The following SGSM1 variants were observed in gnomAD, a reference collection of about 807,000 sequenced individuals.
SGSM1 encodes small G protein signaling modulator 1, also known as RUN and TBC1 domain containing 2.
SGSM1 carries 73 observed loss-of-function variants against 133.8 expected under a neutral mutation model. The observed-to-expected ratio is 0.55, with a 90% CI of 0.45 to 0.66. The LOEUF (loss-of-function observed/expected upper bound fraction) is 0.66. Among genes scored for constraint, SGSM1 ranks in the 30% least tolerant of loss-of-function variants. The pLI is 0.00. For synonymous variants in SGSM1, 563 were observed against 573.0 expected, an observed-to-expected ratio of 0.98 and a Z score of 0.25; for missense variants, 1,213 against 1,448.1, an observed-to-expected ratio of 0.84 and a Z score of 2.64.
At position 24,876,632 on chromosome 22, in the gene SGSM1, C is replaced by T; in HGVS notation, c.1347C>T (p.Pro449=). The T allele has an allele frequency of 6.2e-7, 1 of 1,614,000 alleles. No individual in the cohort carries two copies. The highest frequency in any genetic ancestry group is 8.5e-7 in the Non-Finnish European group (1 of 1,179,896). Residue 449 remains proline (P), a synonymous_variant, in exon 13 of 25, where the codon CCC becomes CCT. Coordinates refer to ENST00000400358, the MANE Select transcript of SGSM1 (RefSeq NM_001098497.3). ...SVSNLPSLWQ[P]SPRKSSCSSC... ...GCAACCTCCCATCCCTGTGGCAGCC[C>T]AGTCCCCGGAAGTCCTCCTGTTCAT...
chr22:24,866,262 A>G (rs1436845799), intron 9 of SGSM1, among the ~76,000 whole-genome samples: 2 of 152,188 alleles, frequency 1.3e-5, no homozygotes, highest in Non-Finnish European at 2.9e-5. Context: ...ACTTGATTCT[A>G]TTTAATTCTC....
At chr22:24,867,016 G>T in intron 9 of SGSM1, 77 bp from the exon 10 acceptor site, 1 of 1,407,554 alleles carries the variant, frequency 7.1e-7, no homozygotes. Flanking sequence ...CCTGGTTGTG[G>T]TCTGCTGGCC....
At chr22:24,859,952 T>A in intron 9 of SGSM1, 112 bp downstream of exon 9, 1 of 1,448,712 alleles carries the variant, frequency 6.9e-7, no homozygotes, top group South Asian at 1.3e-5. Context: ...TTCTGCCCCC[T>A]CCTCTGCCTG....
Position 24,847,795 on chromosome 22 carries a change from G to A in SGSM1, c.301G>A (p.Ala101Thr), listed in dbSNP as rs538422718. 158 of 1,613,462 alleles carry A rather than the reference G, an allele frequency of 9.8e-5. 1 individual carries two copies. The East Asian group carries it at 2.2e-3, about 22-fold the overall frequency. ...AGACCTGGAGCAGCTGATCGAGAGC[G>A]CGTGAGTGCAAAGCATGGGGCACAG... ...VQDLEQLIESARNQIQGLQEN... is the reference protein window; with the variant it reads ...VQDLEQLIESTRNQIQGLQEN... The change falls in exon 4 of 25, where the codon GCG becomes ACG. Residue 101 changes from alanine to threonine, a missense_variant and splice_region_variant. Transcript: ENST00000400358.
rs1388657722 is a variant in SGSM1, at chr22:24,806,277, GCCA to G, written c.-46_-44del. On this transcript the variant is annotated 5_prime_UTR_variant, in exon 1 of 25. Coordinates refer to ENST00000400358, the MANE Select transcript of SGSM1 (RefSeq NM_001098497.3). ...CGCCGCGGCCGGAGGAGCTACCGCC[GCCA>G]CCGCCGCCACCGCCTCCTGGGACTC... The G allele has an allele frequency of 7.1e-7, 1 of 1,403,342 alleles. No homozygotes were observed. Among genetic ancestry groups the G allele is most frequent in the Non-Finnish European group, 9.2e-7 (1 of 1,083,760 alleles). 86.9% of individuals were successfully genotyped at this position (1,403,342 alleles called of 1,614,324 possible). A position where few individuals can be genotyped will look rare whatever the true frequency, so the allele number is the denominator to read the frequency against.
intron 2 of SGSM1, among the ~76,000 whole-genome samples, chr22:24,809,458 T>C (rs1927606819): frequency 6.6e-6 from 1 of 152,218 alleles, no homozygotes; most frequent in Non-Finnish European, 1.5e-5. Context: ...TCGACATCTC[T>C]AGATAGGCTG....
At chr22:24,921,096 C>T (rs921115881) in intron 24 of SGSM1, among the ~76,000 whole-genome samples, 3 of 151,950 alleles carry the variant, frequency 2.0e-5, no homozygotes, top group African/African-American at 7.3e-5. Context: ...TATTGTCTTT[C>T]ATATAATCTT....
At chr22:24,905,326 A>C in intron 21 of SGSM1, 139 bp downstream of exon 21, 1 of 807,740 alleles carries the variant, frequency 1.2e-6, no homozygotes, top group South Asian at 1.5e-5. Context: ...GAACACATCA[A>C]GATCCTAGTG....
intron 2 of SGSM1, among the ~76,000 whole-genome samples, chr22:24,823,501 T>C (rs1167106499): frequency 1.3e-5 from 2 of 151,994 alleles, no homozygotes; most frequent in African/African-American, 4.8e-5. Context: ...CTCAGGAGGC[T>C]GAGGCAGGAG....
Position 24,867,144 on chromosome 22 carries a change from G to A in SGSM1, c.978G>A (p.Leu326=). 6.2e-7 allele frequency: 1 copy of A among 1,613,782 alleles called. No individual in the cohort carries two copies. Among genetic ancestry groups the A allele is most frequent in the Non-Finnish European group, 8.5e-7 (1 of 1,179,860 alleles). Residue 326 remains leucine, a synonymous_variant, in exon 10 of 25, where the codon CTG becomes CTA. Coordinates refer to ENST00000400358, the MANE Select transcript of SGSM1 (RefSeq NM_001098497.3). ...MTIRLEEIVY[L]HCHQQVDSGG... is the part of the protein sequence containing the mutation. The stretch of plus-strand genomic sequence containing the variant: ...TCCGCTTGGAGGAGATTGTCTACCT[G>A]CACTGCCACCAGCAAGGTAGGGACT...
chr22:24,829,484 C>G (rs994150055), intron 2 of SGSM1, among the ~76,000 whole-genome samples: 1 of 152,114 alleles, frequency 6.6e-6, no homozygotes, highest in African/African-American at 2.4e-5. Context: ...CATGAGTTTA[C>G]CTATATAAGA....
At chr22:24,854,748 C>T (rs376981449) in intron 5 of SGSM1, among the ~76,000 whole-genome samples, 3 of 152,144 alleles carry the variant, frequency 2.0e-5, no homozygotes, top group South Asian at 4.1e-4. Flanking sequence ...CCCAGGAGTT[C>T]GAGGTTACAG....
At chr22:24,871,740 G>A (rs1931775116) in intron 12 of SGSM1, among the ~76,000 whole-genome samples, 1 of 152,202 alleles carries the variant, frequency 6.6e-6, no homozygotes, top group Non-Finnish European at 1.5e-5. Flanking sequence ...GACTGGCAGG[G>A]AGAGGGCATT....
intron 9 of SGSM1, among the ~76,000 whole-genome samples, chr22:24,860,338 C>T (rs1931050628): frequency 6.6e-6 from 1 of 152,008 alleles, no homozygotes; most frequent in South Asian, 2.1e-4. Context: ...GGGTTCCAGC[C>T]CAATTAGGGA....
chr22:24,836,390 T>C (rs5996769), intron 2 of SGSM1, among the ~76,000 whole-genome samples: 36,141 of 152,178 alleles, frequency 0.24, 4,425 homozygotes, highest in African/African-American at 0.29. Context: ...TTTTGGCTAC[T>C]GTGAATAATA....
chr22:24,858,604 C>A (rs1396042861), intron 8 of SGSM1, among the ~76,000 whole-genome samples: 2 of 147,954 alleles, frequency 1.4e-5, no homozygotes, highest in Admixed American at 1.4e-4. Flanking sequence ...CCGCTGTCCT[C>A]CAGCCTTGGC....
intron 3 of SGSM1, among the ~76,000 whole-genome samples, chr22:24,845,703 C>T (rs1255677241): frequency 1.3e-5 from 2 of 152,174 alleles, no homozygotes; most frequent in African/African-American, 4.8e-5. Context: ...CATCAGCTGC[C>T]GTCCAAATGG....
At chr22:24,811,002 A>G (rs1473022527) in intron 2 of SGSM1, among the ~76,000 whole-genome samples, 2 of 152,232 alleles carry the variant, frequency 1.3e-5, no homozygotes, top group Non-Finnish European at 2.9e-5. Context: ...TGGTTGCCAG[A>G]TAACATCCAG....
chr22:24,924,668 A>G lies in SGSM1; in HGVS notation c.*394A>G. The G allele has an allele frequency of 4.3e-6, 1 of 233,964 alleles. No homozygotes were observed. Among genetic ancestry groups the G allele is most frequent in the South Asian group, 7.2e-5 (1 of 13,868 alleles). The allele number at this position is 233,964 out of a possible 1,614,324, so 14.5% of individuals were successfully genotyped here. A position where few individuals can be genotyped will look rare whatever the true frequency, so the allele number is the denominator to read the frequency against. On this transcript the variant is annotated 3_prime_UTR_variant, in exon 25 of 25. Coordinates refer to ENST00000400358, the MANE Select transcript of SGSM1 (RefSeq NM_001098497.3). ...GAAACTTCTTTTTGGAAATTGGTGT[A>G]GAAGAGGTGTGTGGGGCTACCTCTA...
Sources: allele counts gnomAD v4.1 joint callset (sites outside exome capture counted in the v4.1 genomes callset), GRCh38; gene constraint gnomAD v4.1.1; transcripts MANE v1.5; gene names NCBI Gene and HGNC (gene_info 2026-07-23, HGNC 2026-07-21).